POLR1A: variants seen among roughly 807,000 people sequenced by gnomAD.
The protein encoded by POLR1A is RNA polymerase I subunit A, also known as DNA-directed RNA polymerase I subunit RPA1.
In POLR1A, 84 loss-of-function variants were observed where a neutral mutation model predicts 205.3. The ratio of observed to expected loss-of-function variants is 0.41; its 90% CI spans 0.34 to 0.49. The LOEUF is 0.49. Ranked by LOEUF, POLR1A falls within the 20% of genes least tolerant of loss-of-function variation. The probability of loss-of-function intolerance (pLI) is 0.22; values close to 1 mark genes in which losing one functional copy is unlikely to be tolerated. For synonymous variants in POLR1A, 799 were observed against 863.7 expected (o/e 0.93, Z 1.31); for missense variants, 1,645 against 2,204.5 (o/e 0.75, Z 5.08).
At position 86,045,769 on chromosome 2, in the gene POLR1A, T is replaced by G; in HGVS notation, c.2734A>C (p.Ile912Leu). 6.2e-7 allele frequency: 1 copy of G among 1,602,818 alleles called. No individual in the cohort carries two copies. Among genetic ancestry groups the G allele is most frequent in the Non-Finnish European group, 8.5e-7 (1 of 1,177,484 alleles). ...TCAATCTGGCCCAGCAGGCACGAGA[T>G]CTGGAGGACAGGAAATCCACAGGAA... ...AKGSTVNTMQISCLLGQIELE... is the reference protein window; with the variant it reads ...AKGSTVNTMQLSCLLGQIELE... Residue 912 changes from isoleucine to leucine, a missense_variant and splice_region_variant, in exon 20 of 34, where the codon ATC becomes CTC. Ile to Leu is a conservative substitution (Grantham distance 5, BLOSUM62 2). This residue lies in a region of POLR1A where 339 missense variants were observed against 415.1 expected (regional missense o/e 0.82). Transcript: ENST00000263857.
At chr2:86,044,090 G>C (rs745787231) in intron 22 of POLR1A, 49 bp downstream of exon 22, 2 of 1,583,306 alleles carry the variant, frequency 1.3e-6, no homozygotes, top group Admixed American at 1.7e-5. Flanking sequence ...TAACCTCGGT[G>C]GGGGAGGCCT....
At chr2:86,053,829 T>C (rs547732243) in intron 15 of POLR1A, among the ~76,000 whole-genome samples, 1 of 152,306 alleles carries the variant, frequency 6.6e-6, no homozygotes, top group African/African-American at 2.4e-5. Context: ...AGTTTGATTA[T>C]CTGAAGCCAC....
chr2:86,045,713 C>T lies in POLR1A; in HGVS notation c.2790G>A (p.Ala930=), dbSNP rs765801752. Residue 930 remains alanine (A), a synonymous_variant, in exon 20 of 34, where the codon GCG becomes GCA. Transcript: ENST00000263857. ...CAAAGCAGGGCAGTGACTTGCCAGACGCCATCAGCGGGGGTCTCCGACCTT... is the reference window on the plus strand; with the variant it reads ...CAAAGCAGGGCAGTGACTTGCCAGATGCCATCAGCGGGGGTCTCCGACCTT... ...ELEGRRPPLM[A]SGKSLPCFEP... is the part of the protein sequence containing the mutation. The T allele has an allele frequency of 1.6e-5, 26 of 1,610,168 alleles. No individual in the cohort carries two copies. The highest frequency in any genetic ancestry group is 8.1e-5 in the African/African-American group (6 of 74,398).
At chr2:86,044,105 C>T (rs1416403275) in intron 22 of POLR1A, 34 bp downstream of exon 22, 6 of 1,608,284 alleles carry the variant, frequency 3.7e-6, no homozygotes, top group Non-Finnish European at 4.3e-6. Flanking sequence ...AGGCCTACTG[C>T]TCGGCCCCCA....
chr2:86,065,369 C>G lies in POLR1A; in HGVS notation c.1963G>C (p.Glu655Gln). The stretch of plus-strand genomic sequence containing the variant: ...TCCGTGAGTCCTCGGTACACCAGCT[C>G]CATATAGTGCTCCCGGGTGAAAAAG... ...GCFFTREHYM[E>Q]LVYRGLTDKV... Residue 655 changes from glutamate to glutamine, a missense_variant, in exon 14 of 34, where the codon GAG becomes CAG. Glu to Gln is a conservative substitution (Grantham distance 29). Coordinates refer to ENST00000263857, the MANE Select transcript of POLR1A (RefSeq NM_015425.6). 6.2e-7 allele frequency: 1 copy of G among 1,614,184 alleles called. No individual in the cohort carries two copies. Among genetic ancestry groups the G allele is most frequent in the Non-Finnish European group, 8.5e-7 (1 of 1,180,008 alleles).
rs192222278 is a variant in POLR1A, at chr2:86,078,216, G to C, written c.1155C>G (p.Asp385Glu). The change falls in exon 10 of 34, where the codon GAC becomes GAG. Residue 385 changes from aspartate to glutamate, a missense_variant. Physicochemically the swap from Asp to Glu is conservative, Grantham distance 45. Around this residue, in one of 16 missense-constraint regions of POLR1A, gnomAD observed 78 missense variants for 77.7 expected, o/e 1.00. Coordinates refer to ENST00000263857, the MANE Select transcript of POLR1A (RefSeq NM_015425.6). ...GGCGAATCCAAATGTTGTAAAGTTT[G>C]TCTATGAGGGACTGGCCTGGAAGTG... Reference protein sequence around the residue: ...LSTLPGQSLIDKLYNIWIRLQ... With the variant: ...LSTLPGQSLIEKLYNIWIRLQ... The C allele has an allele frequency of 1.2e-6, 2 of 1,612,746 alleles. No individual in the cohort carries two copies. The highest frequency in any genetic ancestry group is 1.7e-6 in the Non-Finnish European group (2 of 1,179,684).
intron 6 of POLR1A, 32 bp downstream of exon 6, chr2:86,088,534 A>G: frequency 7.3e-7 from 1 of 1,377,314 alleles, no homozygotes; most frequent in Non-Finnish European, 1.0e-6. Flanking sequence ...CTGGCCTCAC[A>G]TGGAGCTCCT....
At chr2:86,104,443 TTGAG>T (rs1385182988) in intron 1 of POLR1A, among the ~76,000 whole-genome samples, 109 of 123,622 alleles carry the variant, frequency 8.8e-4, no homozygotes, top group Non-Finnish European at 1.2e-3. Context: ...GGATGCCGTG[TTGAG>T]TTTTTTTTTT....
intron 13 of POLR1A, among the ~76,000 whole-genome samples, chr2:86,068,337 G>C (rs999867191): frequency 6.4e-5 from 9 of 140,300 alleles, no homozygotes; most frequent in African/African-American, 2.3e-4. Flanking sequence ...CTTAGTCCCA[G>C]CCTTGGCTGT....
At chr2:86,034,518 C>G (rs1483210974) in intron 27 of POLR1A, among the ~76,000 whole-genome samples, 2 of 152,214 alleles carry the variant, frequency 1.3e-5, no homozygotes, top group Admixed American at 1.3e-4. Flanking sequence ...CCTCCAGAGC[C>G]ATCTATTTTT....
chr2:86,053,075 G>T, intron 15 of POLR1A, 75 bp from the exon 16 acceptor site: 1 of 1,129,684 alleles, frequency 8.9e-7, no homozygotes, highest in Non-Finnish European at 1.2e-6. Context: ...TCTACTCCAT[G>T]TGTGACCCTC....
At position 86,024,624 on chromosome 2, in the gene POLR1A, G is replaced by C. The variant is rs1690224570; in HGVS notation, c.*2799C>G. On this transcript the variant is annotated 3_prime_UTR_variant, in exon 34 of 34. Coordinates refer to ENST00000263857, the MANE Select transcript of POLR1A (RefSeq NM_015425.6). ...AAAAAAAATTAACTGGCCAGGCACG[G>C]TGGCTCACACCACCCAGCACTTTGG... 1 of 152,230 alleles carries C rather than the reference G, an allele frequency of 6.6e-6. No individual in the cohort carries two copies. Among genetic ancestry groups the C allele is most frequent in the Admixed American group, 6.5e-5 (1 of 15,272 alleles). 9.4% of individuals were successfully genotyped at this position (152,230 alleles called of 1,614,324 possible).
At chr2:86,088,935 CT>C in intron 4 of POLR1A, 65 bp from the exon 5 acceptor site, 2 of 1,192,180 alleles carry the variant, frequency 1.7e-6, no homozygotes, top group East Asian at 4.7e-5. Context: ...AATATATTTA[CT>C]TTATGGTTTT....
At chr2:86,086,760 C>T (rs1673510941) in intron 6 of POLR1A, among the ~76,000 whole-genome samples, 1 of 152,232 alleles carries the variant, frequency 6.6e-6, no homozygotes, top group South Asian at 2.1e-4. Flanking sequence ...TGAAAGGCTA[C>T]TTACCTGCCG....
At chr2:86,054,346 G>C in intron 14 of POLR1A, 57 bp from the exon 15 acceptor site, 1 of 1,577,552 alleles carries the variant, frequency 6.3e-7, no homozygotes, top group Non-Finnish European at 8.7e-7. Context: ...GCAAAATGAG[G>C]ACAAACTGAT....
rs988907277 is a variant in POLR1A at position 86,086,939 on chromosome 2, T to G, written c.730+1627A>C. Among the ~76,000 whole-genome samples, 7 of 152,238 alleles carry G rather than the reference T, an allele frequency of 4.6e-5. No homozygotes were observed. In the South Asian group the frequency reaches 1.4e-3, roughly 31 times the overall value. On this transcript the variant is annotated intron_variant, in intron 6 of 33. Coordinates refer to ENST00000263857, the MANE Select transcript of POLR1A (RefSeq NM_015425.6). ...AATGGTTAAGTGTAGGAAAATCCAC[T>G]CTTACAGTGTTAACTACCAACCATG...
intron 20 of POLR1A, 105 bp downstream of exon 20, chr2:86,045,512 T>C (rs1011973601): frequency 2.1e-4 from 275 of 1,332,770 alleles, no homozygotes; most frequent in Non-Finnish European, 2.7e-4. Flanking sequence ...ACAGCTACAA[T>C]AGCCCCCAGT....
At chr2:86,069,311 G>A (rs1416006242) in intron 13 of POLR1A, among the ~76,000 whole-genome samples, 1 of 152,244 alleles carries the variant, frequency 6.6e-6, no homozygotes, top group East Asian at 1.9e-4. Flanking sequence ...GGGTGGTGAG[G>A]GTGAAGGAGG....
chr2:86,038,897 T>A (rs1409792750), intron 26 of POLR1A, 40 bp from the exon 27 acceptor site: 5 of 1,603,734 alleles, frequency 3.1e-6, no homozygotes, highest in East Asian at 4.5e-5. Context: ...CTTGTTCAGG[T>A]CCTAGGTGAC....
Sources: allele counts gnomAD v4.1 joint callset (sites outside exome capture counted in the v4.1 genomes callset), GRCh38; gene constraint gnomAD v4.1.1; regional missense constraint gnomAD v4.1.1; transcripts MANE v1.5; gene names NCBI Gene and HGNC (gene_info 2026-07-23, HGNC 2026-07-21).